PKIB: variants seen among roughly 807,000 people sequenced by gnomAD.
PKIB encodes cAMP-dependent protein kinase inhibitor beta.
In PKIB, 2 loss-of-function variants were observed where a neutral mutation model predicts 4.5. That is an observed-to-expected ratio of 0.44 (90% CI 0.18 to 1.39). The LOEUF (loss-of-function observed/expected upper bound fraction) is 1.39. Among genes scored for constraint, PKIB ranks in the 40% most tolerant of loss-of-function variants. The pLI is 0.27. For missense variants in PKIB, 94 were observed against 92.6 expected (o/e 1.02, Z -0.06); for synonymous variants, 38 against 36.0 (o/e 1.06, Z -0.20).
At chr6:122,587,007 AC>A (rs1185513872) in intron 3 of PKIB, among the ~76,000 whole-genome samples, 1 of 152,118 alleles carries the variant, frequency 6.6e-6, no homozygotes, top group East Asian at 1.9e-4. Context: ...ATTAAATAAA[AC>A]AAACTAAATA....
chr6:122,517,611 G>A (rs1163221406), intron 2 of PKIB, among the ~76,000 whole-genome samples: 2 of 152,060 alleles, frequency 1.3e-5, no homozygotes. Flanking sequence ...CTCACTGGTG[G>A]CACTTACAGC....
At chr6:122,532,616 A>C (rs78862264) in intron 2 of PKIB, among the ~76,000 whole-genome samples, 163 of 152,304 alleles carry the variant, frequency 1.1e-3, no homozygotes, top group African/African-American at 3.8e-3. Flanking sequence ...GATGGATTCA[A>C]ATAGTATTTG....
At chr6:122,681,409 G>A (rs1777890629) in intron 3 of PKIB, among the ~76,000 whole-genome samples, 1 of 152,056 alleles carries the variant, frequency 6.6e-6, no homozygotes, top group Admixed American at 6.6e-5. Flanking sequence ...TCAGAAAAAG[G>A]ACATTTCTTT....
intron 2 of PKIB, among the ~76,000 whole-genome samples, chr6:122,672,885 G>T (rs535202437): frequency 6.6e-6 from 1 of 151,996 alleles, no homozygotes; most frequent in African/African-American, 2.4e-5. Flanking sequence ...AAGAATTACT[G>T]CACTTTCATT....
At chr6:122,698,900 T>C (rs2115020526) in intron 3 of PKIB, among the ~76,000 whole-genome samples, 1 of 152,322 alleles carries the variant, frequency 6.6e-6, no homozygotes, top group Admixed American at 6.5e-5. Context: ...AGCTTTTGCT[T>C]TACCAAATAA....
At chr6:122,692,975 G>T (rs1461783468) in intron 3 of PKIB, among the ~76,000 whole-genome samples, 1 of 152,192 alleles carries the variant, frequency 6.6e-6, no homozygotes, top group African/African-American at 2.4e-5. Flanking sequence ...GAGAAGGTAG[G>T]CACCTCTGCT....
chr6:122,554,419 A>G (rs1253672730), intron 2 of PKIB, among the ~76,000 whole-genome samples: 3 of 152,238 alleles, frequency 2.0e-5, no homozygotes, highest in Non-Finnish European at 4.4e-5. Context: ...ATCCTAGGGC[A>G]CAGAGATTGT....
At chr6:122,582,807 G>T (rs965238211) in intron 2 of PKIB, among the ~76,000 whole-genome samples, 2 of 151,840 alleles carry the variant, frequency 1.3e-5, no homozygotes, top group African/African-American at 4.8e-5. Context: ...GTGTTTTTTT[G>T]TTCTCTTATG....
chr6:122,647,366 T>G (rs1341877610), intron 2 of PKIB, among the ~76,000 whole-genome samples: 3 of 152,224 alleles, frequency 2.0e-5, no homozygotes, highest in Admixed American at 6.5e-5. Context: ...TCCGATTGAT[T>G]AACTGGGGAC....
chr6:122,537,137 T>C (rs1048439189), intron 2 of PKIB, among the ~76,000 whole-genome samples: 3 of 152,086 alleles, frequency 2.0e-5, no homozygotes, highest in African/African-American at 7.2e-5. Flanking sequence ...TCTTTATTCT[T>C]CTTTCTGACA....
intron 2 of PKIB, among the ~76,000 whole-genome samples, chr6:122,539,784 G>T (rs1582685470): frequency 6.6e-6 from 1 of 152,030 alleles, no homozygotes; most frequent in East Asian, 1.9e-4. Flanking sequence ...ACCTCTGGTA[G>T]AATTCGGCTG....
At chr6:122,711,658 G>A (rs1254848679) in intron 3 of PKIB, among the ~76,000 whole-genome samples, 3 of 152,108 alleles carry the variant, frequency 2.0e-5, no homozygotes, top group Non-Finnish European at 2.9e-5. Context: ...ATAGTTTATT[G>A]CAGTCCATCT....
chr6:122,718,630 C>G (rs921853737), intron 4 of PKIB, among the ~76,000 whole-genome samples: 1 of 152,118 alleles, frequency 6.6e-6, no homozygotes, highest in African/African-American at 2.4e-5. Flanking sequence ...AAAATACTCA[C>G]GTTTTGTGCC....
At chr6:122,584,914 T>G (rs1773807271) in intron 2 of PKIB, among the ~76,000 whole-genome samples, 1 of 152,134 alleles carries the variant, frequency 6.6e-6, no homozygotes, top group African/African-American at 2.4e-5. Context: ...AGCCCACCAA[T>G]GTGCCATGTC....
At chr6:122,473,495 T>TA (rs199507448) in intron 1 of PKIB, among the ~76,000 whole-genome samples, 86 of 152,260 alleles carry the variant, frequency 5.6e-4, no homozygotes, top group African/African-American at 1.9e-3. Flanking sequence ...TGAAATACAT[T>TA]AAAAAAAATT....
At chr6:122,690,181 GTCTT>G (rs1477519988) in intron 3 of PKIB, among the ~76,000 whole-genome samples, 8 of 150,794 alleles carry the variant, frequency 5.3e-5, no homozygotes, top group African/African-American at 1.2e-4. Context: ...AGATCATTGG[GTCTT>G]TCTTTTTTTT....
intron 2 of PKIB, chr6:122,585,479 T>C (rs1200915516): frequency 6.6e-6 from 1 of 152,124 alleles, no homozygotes; most frequent in Non-Finnish European, 1.5e-5. Flanking sequence ...TTCTTTTCTC[T>C]CTCACTGGAA....
chr6:122,581,766 G>C (rs890973227), intron 2 of PKIB: 2 of 151,756 alleles, frequency 1.3e-5, no homozygotes, highest in Non-Finnish European at 2.9e-5. Context: ...TGTGGGCAGG[G>C]ACCATTAAAA....
At chr6:122,678,828 A>G (rs1236853459) in intron 3 of PKIB, among the ~76,000 whole-genome samples, 1 of 152,218 alleles carries the variant, frequency 6.6e-6, no homozygotes, top group African/African-American at 2.4e-5. Flanking sequence ...TTTAGGTGCA[A>G]AACCATAACC....
Sources: gnomAD v4.1 joint callset for allele counts (sites outside exome capture counted in the v4.1 genomes callset) on GRCh38, gnomAD v4.1.1 for gene constraint, MANE v1.5 for transcripts, NCBI Gene and HGNC (gene_info 2026-07-23, HGNC 2026-07-21) for gene names.